Variants in KLHL12 observed in about 807,000 individuals in gnomAD.
KLHL12 encodes the protein kelch like family member 12, also known as kelch-like protein 12.
KLHL12 carries 17 observed loss-of-function variants against 60.8 expected under a neutral mutation model. That is an observed-to-expected ratio of 0.28 (90% confidence interval 0.19 to 0.42). KLHL12 has a LOEUF of 0.42. Ranked by LOEUF, KLHL12 falls within the 10% of genes least tolerant of loss-of-function variation. The pLI is 1.00. For synonymous variants in KLHL12, 220 were observed against 250.9 expected (o/e 0.88, Z 1.16); for missense variants, 468 against 722.3 (o/e 0.65, Z 4.04).
intron 6 of KLHL12, among the ~76,000 whole-genome samples, chr1:202,898,822 G>C (rs1659918954): frequency 6.6e-6 from 1 of 151,836 alleles, no homozygotes; most frequent in Non-Finnish European, 1.5e-5. Context: ...ATTCTGATTT[G>C]AACAACATAA....
chr1:202,912,595 G>C (rs1433773496), intron 4 of KLHL12: 3 of 1,300,470 alleles, frequency 2.3e-6, no homozygotes, highest in Non-Finnish European at 3.3e-6. Context: ...TTGGACCCAT[G>C]AAGGGAGGAA....
intron 2 of KLHL12, among the ~76,000 whole-genome samples, chr1:202,922,282 AG>A (rs66478765): frequency 6.6e-6 from 1 of 151,478 alleles, no homozygotes; most frequent in African/African-American, 2.4e-5. Flanking sequence ...TAAGAGATAA[AG>A]GGGGGCCGGG....
Position 202,895,547 on chromosome 1 carries a change from A to G in KLHL12, c.1110T>C (p.Gly370=), listed in dbSNP as rs772082575. 7.4e-6 allele frequency: 12 copies of G among 1,613,888 alleles called. No homozygotes were observed. In the South Asian group the frequency reaches 1.3e-4, roughly 18 times the overall value. ...YSVAPMNVRR[G]LAGATTLGDM... is the part of the protein sequence containing the mutation. ...CTCCCAGGGTGGTGGCTCCAGCAAG[A>G]CCTCGTCGGACATTCATAGGGGCCA... Residue 370 remains glycine, a synonymous_variant, in exon 8 of 12, where the codon GGT becomes GGC. Transcript: ENST00000367261. This position sits in a 1 kb window ranked among gnomAD's most constrained non-coding sequence, Gnocchi z 4.2.
rs1451010731 is a variant in KLHL12 at position 202,907,255 on chromosome 1, C to T, written c.832+1755G>A. Among the ~76,000 whole-genome samples the T allele has an allele frequency of 2.0e-5, 3 of 152,208 alleles. No homozygotes were observed. The East Asian group carries it at 5.8e-4, about 29-fold the overall frequency. On this transcript the variant is annotated intron_variant, in intron 6 of 11. Transcript: ENST00000367261. Reference sequence around the variant, plus strand: ...TGATTTTTATTTATTTTTTGCTTCTCTGTATTTCTACAAGTTCTACATTGA... The same window carrying T: ...TGATTTTTATTTATTTTTTGCTTCTTTGTATTTCTACAAGTTCTACATTGA...
intron 2 of KLHL12, among the ~76,000 whole-genome samples, chr1:202,920,594 T>C (rs897979845): frequency 6.6e-6 from 1 of 151,820 alleles, no homozygotes; most frequent in Admixed American, 6.6e-5. Flanking sequence ...GCCAGGATGG[T>C]CTCGATCTCC....
At chr1:202,912,682 A>C in intron 4 of KLHL12, 1 of 1,288,404 alleles carries the variant, frequency 7.8e-7, no homozygotes, top group Non-Finnish European at 1.1e-6. Flanking sequence ...CAAGGTGGCT[A>C]TGGTGGTTTC....
At chr1:202,904,856 G>T (rs1660134006) in intron 6 of KLHL12, among the ~76,000 whole-genome samples, 3 of 152,198 alleles carry the variant, frequency 2.0e-5, no homozygotes, top group African/African-American at 7.2e-5. Flanking sequence ...CCACAAATTA[G>T]AAAAGTAATT....
Position 202,892,355 on chromosome 1 carries a change from GGAACAA to G in KLHL12, c.*172_*177del. 1.6e-6 allele frequency: 1 copy of G among 611,926 alleles called. No individual in the cohort carries two copies. The highest frequency in any genetic ancestry group is 2.6e-5 in the South Asian group (1 of 38,918). The allele number at this position is 611,926 out of a possible 1,614,324, so 37.9% of individuals were successfully genotyped here. A position where few individuals can be genotyped will look rare whatever the true frequency, so the allele number is the denominator to read the frequency against. Reference sequence around the variant, plus strand: ...GAATATCTGTTACCCACCCTTCTCAGGAACAAGAACCAGGACGACGGGGAGTATGTG... The same window carrying G: ...GAATATCTGTTACCCACCCTTCTCAGGAACCAGGACGACGGGGAGTATGTG... On this transcript the variant is annotated 3_prime_UTR_variant, in exon 12 of 12. Transcript: ENST00000367261.
Position 202,926,974 on chromosome 1 carries a change from G to A in KLHL12, c.-46+115C>T, listed in dbSNP as rs915337540. 3.8e-6 allele frequency: 3 copies of A among 793,378 alleles called. No individual in the cohort carries two copies. The African/African-American group carries it at 5.6e-5, about 15-fold the overall frequency. The allele number at this position is 793,378 out of a possible 1,614,324, so 49.1% of individuals were successfully genotyped here. ...CCACTGCCAGCCTTCCTCCTCTGTT[G>A]GGCATGTCTCCCATTCCGCCTTGCA... On this transcript the variant is annotated intron_variant, in intron 1 of 11. Transcript: ENST00000367261.
chr1:202,920,450 C>T lies in KLHL12; in HGVS notation c.196-542G>A, dbSNP rs928466240. On this transcript the variant is annotated intron_variant, in intron 2 of 11. Coordinates refer to ENST00000367261, the MANE Select transcript of KLHL12 (RefSeq NM_021633.4). The stretch of plus-strand genomic sequence containing the variant: ...GGAGTGCAGTGGTGCCATCTCGGCT[C>T]ACTGCAAGCTCCACCTCCTGGGTTC... 7.2e-5 allele frequency among the ~76,000 whole-genome samples: 9 copies of T among 124,856 alleles called. No individual in the cohort carries two copies. In the South Asian group the frequency reaches 2.4e-3, roughly 34 times the overall value. The allele number at this position is 124,856 out of a possible 152,430, so 81.9% of individuals were successfully genotyped here. A position where few individuals can be genotyped will look rare whatever the true frequency, so the allele number is the denominator to read the frequency against.
intron 9 of KLHL12, 37 bp downstream of exon 9, chr1:202,894,554 T>A (rs938794180): frequency 2.5e-6 from 4 of 1,609,690 alleles, no homozygotes; most frequent in Non-Finnish European, 3.4e-6. Flanking sequence ...CATTACCCAT[T>A]GAGTTCCCTC....
rs141407975 is a variant in KLHL12 at position 202,921,886 on chromosome 1, T to G, written c.196-1978A>C. 4.1e-3 allele frequency among the ~76,000 whole-genome samples: 626 copies of G among 152,334 alleles called. 3 individuals carry two copies. The highest frequency in any genetic ancestry group is 0.014 in the African/African-American group (602 of 41,574). On this transcript the variant is annotated intron_variant, in intron 2 of 11. Transcript: ENST00000367261. ...CAGAGAATAACCAAAAAGCACTCTC[T>G]ACCAAAGCCAAGAACAAAATCAATC...
chr1:202,910,786 T>C (rs1446107433), intron 5 of KLHL12, among the ~76,000 whole-genome samples: 3 of 152,130 alleles, frequency 2.0e-5, no homozygotes, highest in Admixed American at 6.5e-5. Context: ...ATCAAGTGTT[T>C]ATATAAAACA....
rs931945468 is a variant in KLHL12 at position 202,912,268 on chromosome 1, C to A, written c.568-1065G>T. On this transcript the variant is annotated intron_variant, in intron 4 of 11. Coordinates refer to ENST00000367261, the MANE Select transcript of KLHL12 (RefSeq NM_021633.4). ...AAGAAAAGGGGCTTTGCCTTTGTAA[C>A]CTTTGATGACCATGACTCTGTGAAT... 254 of 1,002,764 alleles carry A rather than the reference C, an allele frequency of 2.5e-4. 1 individual carries two copies. The highest frequency in any genetic ancestry group is 3.6e-4 in the Non-Finnish European group (227 of 638,018). The allele number at this position is 1,002,764 out of a possible 1,614,324, so 62.1% of individuals were successfully genotyped here. A position where few individuals can be genotyped will look rare whatever the true frequency, so the allele number is the denominator to read the frequency against.
Position 202,893,236 on chromosome 1 carries a change from C to T in KLHL12, c.1580+3G>A, listed in dbSNP as rs1461743525. On this transcript the variant is annotated splice_donor_region_variant and intron_variant, in intron 11 of 11. Transcript: ENST00000367261. The surrounding 1 kb of genome is among the most constrained non-coding windows in gnomAD (Gnocchi z 4.1). ...GAGTCTGGATTCGTTTCTAAATCCTCACCCTGCAATTGCATAGAGTCTCCC... is the reference window on the plus strand; with the variant it reads ...GAGTCTGGATTCGTTTCTAAATCCTTACCCTGCAATTGCATAGAGTCTCCC... 1 of 1,590,526 alleles carries T rather than the reference C, an allele frequency of 6.3e-7. No homozygotes were observed. Among genetic ancestry groups the T allele is most frequent in the South Asian group, 1.1e-5 (1 of 88,100 alleles).
Position 202,927,163 on chromosome 1 carries a change from C to G in KLHL12, c.-120G>C. 1 of 985,326 alleles carries G rather than the reference C, an allele frequency of 1.0e-6. No homozygotes were observed. The highest frequency in any genetic ancestry group is 1.2e-6 in the Non-Finnish European group (1 of 829,948). The allele number at this position is 985,326 out of a possible 1,614,324, so 61.0% of individuals were successfully genotyped here. A position where few individuals can be genotyped will look rare whatever the true frequency, so the allele number is the denominator to read the frequency against. On this transcript the variant is annotated 5_prime_UTR_variant, in exon 1 of 12. Coordinates refer to ENST00000367261, the MANE Select transcript of KLHL12 (RefSeq NM_021633.4). ...GGGATGGAGTGCGGCGCGGGGCTAG[C>G]AGGCGGCTCGGGAGGAGCCGAAGCG...
intron 6 of KLHL12, among the ~76,000 whole-genome samples, chr1:202,901,071 T>A (rs984303046): frequency 2.6e-4 from 40 of 152,160 alleles, no homozygotes; most frequent in African/African-American, 8.9e-4. Flanking sequence ...AAAACCCCTC[T>A]CTTTCTTGAT....
rs1348641378 is a variant in KLHL12, at chr1:202,892,328, T to C, written c.*205A>G. ...TCCATTCAATGTGCATTCTTTTTCC[T>C]GGAATATCTGTTACCCACCCTTCTC... is the stretch of plus-strand genomic sequence containing the variant. On this transcript the variant is annotated 3_prime_UTR_variant, in exon 12 of 12. Coordinates refer to ENST00000367261, the MANE Select transcript of KLHL12 (RefSeq NM_021633.4). 6.0e-6 allele frequency: 3 copies of C among 496,102 alleles called. No individual in the cohort carries two copies. Among genetic ancestry groups the C allele is most frequent in the South Asian group, 2.7e-5 (1 of 37,252 alleles). The allele number at this position is 496,102 out of a possible 1,614,324, so 30.7% of individuals were successfully genotyped here. A position where few individuals can be genotyped will look rare whatever the true frequency, so the allele number is the denominator to read the frequency against.
rs3182429 is a variant in KLHL12, at chr1:202,919,819, T to C, written c.285A>G (p.Thr95=). 398,122 of 1,612,876 alleles carry C rather than the reference T, an allele frequency of 0.25. 53,714 individuals carry two copies. Among genetic ancestry groups the C allele is most frequent in the East Asian group, 0.57 (25,497 of 44,818 alleles). Reference sequence around the variant, plus strand: ...GTACATTCTCCACTGTCACATGTACTGTTTCTGTGTACACAAAGTCCAATA... The same window carrying C: ...GTACATTCTCCACTGTCACATGTACCGTTTCTGTGTACACAAAGTCCAATA... ...EILLDFVYTE[T]VHVTVENVQE... Residue 95 remains threonine (T), a synonymous_variant, in exon 3 of 12, where the codon ACA becomes ACG. Transcript: ENST00000367261.
Sources: gnomAD v4.1 joint callset for allele counts (sites outside exome capture counted in the v4.1 genomes callset) on GRCh38, gnomAD v4.1.1 for gene constraint, Gnocchi (gnomAD v3.1) non-coding constraint, MANE v1.5 for transcripts, NCBI Gene and HGNC (gene_info 2026-07-23, HGNC 2026-07-21) for gene names.